SPATA17: variants seen among roughly 807,000 people sequenced by gnomAD.
SPATA17 encodes the protein spermatogenesis-associated protein 17.
SPATA17 carries 53 observed loss-of-function variants against 62.2 expected under a neutral mutation model. The ratio of observed to expected loss-of-function variants is 0.85; its 90% CI spans 0.68 to 1.07. SPATA17 has a LOEUF of 1.07. Among genes scored for constraint, SPATA17 ranks in the 50% least tolerant of loss-of-function variants. The pLI is 0.00. For missense variants in SPATA17, 466 were observed against 425.5 expected (o/e 1.10, Z -0.84); for synonymous variants, 146 against 146.8 (o/e 0.99, Z 0.04).
intron 4 of SPATA17, among the ~76,000 whole-genome samples, chr1:217,678,205 CTTTTTTTTTTTT>C: frequency 9.3e-6 from 1 of 107,552 alleles, no homozygotes; most frequent in South Asian, 3.1e-4. Context: ...CTTTTCTTTT[CTTTTTTTTTTTT>C]TTTTTTTTTG....
intron 1 of SPATA17, among the ~76,000 whole-genome samples, chr1:217,637,549 T>C (rs997701833): frequency 3.3e-5 from 5 of 152,194 alleles, no homozygotes; most frequent in Non-Finnish European, 7.4e-5. Context: ...GTTGTCCTGA[T>C]TTCAGGATCT....
rs1676087623 is a variant in SPATA17, at chr1:217,869,535, T to A, written c.*2516T>A. On this transcript the variant is annotated 3_prime_UTR_variant, in exon 11 of 11. Transcript: ENST00000366933. ...ATAAGAGATAGCTTCGCAGGGCCAT[T>A]GCAAAATATGTCAAAAATATATATT... is the stretch of plus-strand genomic sequence containing the variant. 6.6e-6 allele frequency: 1 copy of A among 152,194 alleles called. No homozygotes were observed. Among genetic ancestry groups the A allele is most frequent in the African/African-American group, 2.4e-5 (1 of 41,446 alleles). The allele number at this position is 152,194 out of a possible 1,614,324, so 9.4% of individuals were successfully genotyped here.
At position 217,631,350 on chromosome 1, in the gene SPATA17, A is replaced by G. The variant is rs1251492642; in HGVS notation, c.-29A>G. 3 of 1,613,762 alleles carry G rather than the reference A, an allele frequency of 1.9e-6. No individual in the cohort carries two copies. The highest frequency in any genetic ancestry group is 1.1e-5 in the South Asian group (1 of 91,068). On this transcript the variant is annotated 5_prime_UTR_variant, in exon 1 of 11. Coordinates refer to ENST00000366933, the MANE Select transcript of SPATA17 (RefSeq NM_138796.4). ...AGTTACCATGGAGACCGGTAGTAACACCAGTTGTAAACCCAAGGCCAAGAG... is the reference window on the plus strand; with the variant it reads ...AGTTACCATGGAGACCGGTAGTAACGCCAGTTGTAAACCCAAGGCCAAGAG...
In SPATA17 at chr1:217,743,891, G is replaced by C. The variant is rs1386269256; in HGVS notation, c.519+1793G>C. Among the ~76,000 whole-genome samples the C allele has an allele frequency of 2.0e-5, 3 of 152,110 alleles. No homozygotes were observed. The East Asian group carries it at 5.9e-4, about 30-fold the overall frequency. On this transcript the variant is annotated intron_variant, in intron 6 of 10. Coordinates refer to ENST00000366933, the MANE Select transcript of SPATA17 (RefSeq NM_138796.4). The stretch of plus-strand genomic sequence containing the variant: ...CCCAAAGTGCTGGGATTACAGGTGT[G>C]AGCCACCATGCCTGGCCTAAAATAG...
At position 217,869,858 on chromosome 1, in the gene SPATA17, G is replaced by A. The variant is rs188920227; in HGVS notation, c.*2839G>A. 149 of 152,006 alleles carry A rather than the reference G, an allele frequency of 9.8e-4. No individual in the cohort carries two copies. Among genetic ancestry groups the A allele is most frequent in the African/African-American group, 3.3e-3 (135 of 41,454 alleles). The allele number at this position is 152,006 out of a possible 1,614,324, so 9.4% of individuals were successfully genotyped here. On this transcript the variant is annotated 3_prime_UTR_variant, in exon 11 of 11. Coordinates refer to ENST00000366933, the MANE Select transcript of SPATA17 (RefSeq NM_138796.4). ...GGTCCATGCAGATGTTTGGAGGGGG[G>A]GGTCTTAAAGCTTTATTTTTAGATT...
intron 9 of SPATA17, among the ~76,000 whole-genome samples, chr1:217,843,446 A>G (rs1378266600): frequency 6.6e-6 from 1 of 152,002 alleles, no homozygotes; most frequent in Non-Finnish European, 1.5e-5. Context: ...AAGAACCCCC[A>G]TCTCTACAAA....
At chr1:217,784,219 G>A (rs542818422) in intron 8 of SPATA17, among the ~76,000 whole-genome samples, 71 of 152,192 alleles carry the variant, frequency 4.7e-4, no homozygotes, top group Non-Finnish European at 9.7e-4. Context: ...ATTCCGTGAA[G>A]TATAGTCCTG....
rs6684243 is a variant in SPATA17, at chr1:217,850,570, T to C, written c.1006-12204T>C. 5,395 of 1,595,408 alleles carry C rather than the reference T, an allele frequency of 3.4e-3. 105 individuals carry two copies. The African/African-American group carries it at 0.053, about 16-fold the overall frequency. Reference sequence around the variant, plus strand: ...ATATTGGCCTTCACATTTTCGATGGTGTCACTGGGCTCCACTTCAAGGGTG... The same window carrying C: ...ATATTGGCCTTCACATTTTCGATGGCGTCACTGGGCTCCACTTCAAGGGTG... On this transcript the variant is annotated intron_variant, in intron 9 of 10. Transcript: ENST00000366933.
chr1:217,868,060 A>T lies in SPATA17; in HGVS notation c.*1041A>T, dbSNP rs184025806. On this transcript the variant is annotated 3_prime_UTR_variant, in exon 11 of 11. Transcript: ENST00000366933. ...TGAGGGGAAAAAAAGGAACCTATTA[A>T]AAAGACATTATCTATCAATCACTGT... 6.6e-6 allele frequency: 1 copy of T among 152,174 alleles called. No individual in the cohort carries two copies. The highest frequency in any genetic ancestry group is 2.1e-4 in the South Asian group (1 of 4,826). The allele number at this position is 152,174 out of a possible 1,614,324, so 9.4% of individuals were successfully genotyped here.
intron 5 of SPATA17, among the ~76,000 whole-genome samples, chr1:217,728,303 A>C (rs1229967074): frequency 3.3e-5 from 5 of 152,180 alleles, no homozygotes; most frequent in Non-Finnish European, 7.4e-5. Flanking sequence ...TATACCAAGC[A>C]TGGTGCTAAG....
At chr1:217,838,695 AT>A (rs1198727404) in intron 9 of SPATA17, among the ~76,000 whole-genome samples, 3 of 152,012 alleles carry the variant, frequency 2.0e-5, no homozygotes, top group Non-Finnish European at 2.9e-5. Context: ...CCTTCCTCCC[AT>A]CCCTTTTGAT....
chr1:217,717,331 C>G (rs1169709273), intron 5 of SPATA17, among the ~76,000 whole-genome samples: 1 of 152,110 alleles, frequency 6.6e-6, no homozygotes, highest in African/African-American at 2.4e-5. Context: ...CTAATTTGGC[C>G]AGGCACGGTG....
rs544134320 is a variant in SPATA17, at chr1:217,706,923, A to T, written c.395+23562A>T. 2.7e-5 allele frequency among the ~76,000 whole-genome samples: 4 copies of T among 150,624 alleles called. No individual in the cohort carries two copies. In the South Asian group the frequency reaches 8.4e-4, roughly 32 times the overall value. ...GCTCTTTCACCCAGGCTGGAGTGCAATGGCACAATCTTGGCTCACTGCAAA... is the reference window on the plus strand; with the variant it reads ...GCTCTTTCACCCAGGCTGGAGTGCATTGGCACAATCTTGGCTCACTGCAAA... On this transcript the variant is annotated intron_variant, in intron 5 of 10. Coordinates refer to ENST00000366933, the MANE Select transcript of SPATA17 (RefSeq NM_138796.4).
intron 9 of SPATA17, among the ~76,000 whole-genome samples, chr1:217,835,793 C>T (rs1349138710): frequency 3.3e-5 from 5 of 152,104 alleles, no homozygotes; most frequent in African/African-American, 1.2e-4. Flanking sequence ...ACAAAATATG[C>T]AACTTCTCCG....
intron 6 of SPATA17, among the ~76,000 whole-genome samples, chr1:217,746,507 G>A (rs1672755541): frequency 6.6e-6 from 1 of 151,386 alleles, no homozygotes; most frequent in African/African-American, 2.4e-5. Flanking sequence ...AGATAATTTT[G>A]TAAGCCAAAA....
At chr1:217,752,179 C>A (rs1038917103) in intron 6 of SPATA17, among the ~76,000 whole-genome samples, 1 of 152,102 alleles carries the variant, frequency 6.6e-6, no homozygotes, top group African/African-American at 2.4e-5. Flanking sequence ...CAGGTGCCAT[C>A]ACACCTGGCT....
At chr1:217,734,351 A>T (rs1373222784) in intron 5 of SPATA17, among the ~76,000 whole-genome samples, 1 of 152,196 alleles carries the variant, frequency 6.6e-6, no homozygotes, top group Non-Finnish European at 1.5e-5. Context: ...GCAGAAACTA[A>T]TGCCATTTGA....
At chr1:217,680,922 TAAAAA>T (rs71166016) in intron 4 of SPATA17, among the ~76,000 whole-genome samples, 3 of 58,184 alleles carry the variant, frequency 5.2e-5, no homozygotes, top group African/African-American at 1.9e-4. Context: ...GAGACTCTGT[TAAAAA>T]AAAAAAAAAA....
At chr1:217,795,827 C>T (rs1251768574) in intron 8 of SPATA17, among the ~76,000 whole-genome samples, 2 of 152,010 alleles carry the variant, frequency 1.3e-5, no homozygotes, top group Non-Finnish European at 2.9e-5. Flanking sequence ...GAGACAGGGT[C>T]TCAGTCTGTC....
Sources: gnomAD v4.1 joint callset for allele counts (sites outside exome capture counted in the v4.1 genomes callset) on GRCh38, gnomAD v4.1.1 for gene constraint, MANE v1.5 for transcripts, NCBI Gene and HGNC (gene_info 2026-07-23, HGNC 2026-07-21) for gene names.